Variants in TSPAN2 observed in about 807,000 individuals in gnomAD.
The protein encoded by TSPAN2 is tetraspanin-2.
Under a neutral mutation model 33.3 loss-of-function variants are expected in TSPAN2, and 24 were observed. The observed-to-expected ratio is 0.72, with a 90% confidence interval of 0.52 to 1.01. TSPAN2 has a LOEUF of 1.01. Ranked by LOEUF, TSPAN2 falls within the 50% of genes least tolerant of loss-of-function variation. The pLI is 0.00. For synonymous variants in TSPAN2, 114 were observed against 104.5 expected (o/e 1.09, Z -0.56); for missense variants, 278 against 281.3 (o/e 0.99, Z 0.08).
intron 1 of TSPAN2, among the ~76,000 whole-genome samples, chr1:115,083,291 A>G (rs1203307689): frequency 6.6e-6 from 1 of 152,234 alleles, no homozygotes; most frequent in Non-Finnish European, 1.5e-5. Context: ...ACCCAAAGAC[A>G]CTTCATGGCT....
chr1:115,086,576 C>T (rs1256820554), intron 1 of TSPAN2, among the ~76,000 whole-genome samples: 2 of 152,174 alleles, frequency 1.3e-5, no homozygotes, highest in Admixed American at 6.5e-5. Flanking sequence ...CGGATCTAAC[C>T]TCACTGGTTA....
intron 1 of TSPAN2, among the ~76,000 whole-genome samples, chr1:115,080,684 T>TA (rs1648592211): frequency 6.6e-6 from 1 of 152,204 alleles, no homozygotes; most frequent in South Asian, 2.1e-4. Context: ...TGTACAGAAC[T>TA]AAAATCTGGT....
At position 115,049,367 on chromosome 1, in the gene TSPAN2, C is replaced by T. The variant is rs1675248989; in HGVS notation, c.*1123G>A. The T allele has an allele frequency of 6.6e-6, 1 of 152,382 alleles. No individual in the cohort carries two copies. The highest frequency in any genetic ancestry group is 1.5e-5 in the Non-Finnish European group (1 of 67,982). The allele number at this position is 152,382 out of a possible 1,614,324, so 9.4% of individuals were successfully genotyped here. ...ATGCTTTTCTTTATTTTGGTTTGGCCAAAGATGCTAATGGTTAAATTATGA... is the reference window on the plus strand; with the variant it reads ...ATGCTTTTCTTTATTTTGGTTTGGCTAAAGATGCTAATGGTTAAATTATGA... On this transcript the variant is annotated 3_prime_UTR_variant, in exon 8 of 8. Coordinates refer to ENST00000369516, the MANE Select transcript of TSPAN2 (RefSeq NM_005725.6).
At chr1:115,060,869 C>T (rs1647690107) in intron 3 of TSPAN2, among the ~76,000 whole-genome samples, 1 of 152,142 alleles carries the variant, frequency 6.6e-6, no homozygotes, top group Non-Finnish European at 1.5e-5. Context: ...ACCTAGAACA[C>T]CACCTGGCAC....
At chr1:115,075,574 T>G (rs1408066159) in intron 1 of TSPAN2, among the ~76,000 whole-genome samples, 1 of 152,180 alleles carries the variant, frequency 6.6e-6, no homozygotes, top group Non-Finnish European at 1.5e-5. Context: ...AGAAATTGCT[T>G]GAAAAAAATT....
intron 6 of TSPAN2, among the ~76,000 whole-genome samples, chr1:115,057,051 C>T (rs903748123): frequency 6.6e-6 from 1 of 152,186 alleles, no homozygotes; most frequent in African/African-American, 2.4e-5. Flanking sequence ...TTAAGTTTCC[C>T]ATCAAGTGCT....
intron 1 of TSPAN2, among the ~76,000 whole-genome samples, chr1:115,077,985 C>T (rs888631491): frequency 1.3e-5 from 2 of 152,204 alleles, no homozygotes; most frequent in East Asian, 1.9e-4. Flanking sequence ...AAAAAGCCCC[C>T]TTTGGGGGTA....
intron 1 of TSPAN2, among the ~76,000 whole-genome samples, chr1:115,075,470 G>A (rs1018113689): frequency 1.3e-5 from 2 of 152,116 alleles, no homozygotes; most frequent in African/African-American, 4.8e-5. Context: ...AAGTGGCATC[G>A]GCACAGACCA....
chr1:115,052,451 A>G (rs977531282), intron 7 of TSPAN2, among the ~76,000 whole-genome samples: 11 of 152,076 alleles, frequency 7.2e-5, no homozygotes, highest in Non-Finnish European at 1.6e-4. Context: ...TCCAAATCCA[A>G]TCTTGCCTCC....
intron 7 of TSPAN2, 60 bp downstream of exon 7, chr1:115,053,319 A>C: frequency 6.9e-7 from 1 of 1,446,876 alleles, no homozygotes. Context: ...AAAAGAAATA[A>C]GATGCAAAGT....
intron 1 of TSPAN2, among the ~76,000 whole-genome samples, chr1:115,088,121 T>C (rs1648915923): frequency 6.6e-6 from 1 of 152,192 alleles, no homozygotes; most frequent in Non-Finnish European, 1.5e-5. Flanking sequence ...TGTGTCTCTT[T>C]AAAGTTCAGG....
At chr1:115,062,782 G>T (rs1647785873) in intron 2 of TSPAN2, among the ~76,000 whole-genome samples, 1 of 152,238 alleles carries the variant, frequency 6.6e-6, no homozygotes, top group South Asian at 2.1e-4. Context: ...TAGGGAGGGT[G>T]GGGGCTGGTG....
chr1:115,060,632 C>T, intron 3 of TSPAN2, 94 bp from the exon 4 acceptor site: 2 of 925,760 alleles, frequency 2.2e-6, no homozygotes, highest in South Asian at 3.1e-5. Context: ...GGCTGAATCG[C>T]TTTCATGTGG....
chr1:115,055,552 C>A (rs1647378636), intron 6 of TSPAN2, among the ~76,000 whole-genome samples: 1 of 151,462 alleles, frequency 6.6e-6, no homozygotes, highest in Non-Finnish European at 1.5e-5. Context: ...GAGACAGAGT[C>A]TCGCTCTCTC....
In TSPAN2 at chr1:115,052,469, C is replaced by A. The variant is rs187695458; in HGVS notation, c.600+910G>T. Among the ~76,000 whole-genome samples, 15 of 152,328 alleles carry A rather than the reference C, an allele frequency of 9.8e-5. No homozygotes were observed. The East Asian group carries it at 2.5e-3, about 25-fold the overall frequency. ...AAATCCAATCTTGCCTCCCTCCAAC[C>A]TTTCCTCTATCCTCTACCACAGGTT... On this transcript the variant is annotated intron_variant, in intron 7 of 7. Transcript: ENST00000369516.
intron 1 of TSPAN2, among the ~76,000 whole-genome samples, chr1:115,075,595 C>A (rs1648372914): frequency 6.6e-6 from 1 of 152,150 alleles, no homozygotes; most frequent in African/African-American, 2.4e-5. Context: ...CACACCAGTT[C>A]CAGTCCAGTC....
At chr1:115,063,980 CA>C (rs1647838324) in intron 2 of TSPAN2, among the ~76,000 whole-genome samples, 1 of 152,032 alleles carries the variant, frequency 6.6e-6, no homozygotes, top group African/African-American at 2.4e-5. Context: ...GTCATACCCC[CA>C]ATCTCGGCAT....
At chr1:115,080,761 C>T (rs1023202774) in intron 1 of TSPAN2, among the ~76,000 whole-genome samples, 6 of 152,140 alleles carry the variant, frequency 3.9e-5, no homozygotes, top group South Asian at 2.1e-4. Context: ...GGGATAAGCC[C>T]GGAGAGGAAA....
At position 115,089,281 on chromosome 1, in the gene TSPAN2, G is replaced by A. The variant is rs1418669959; in HGVS notation, c.69+83C>T. The A allele has an allele frequency of 7.9e-6, 10 of 1,268,650 alleles. 1 individual carries two copies. Among genetic ancestry groups the A allele is most frequent in the African/African-American group, 1.5e-5 (1 of 65,174 alleles). 78.6% of individuals were successfully genotyped at this position (1,268,650 alleles called of 1,614,324 possible). A position where few individuals can be genotyped will look rare whatever the true frequency, so the allele number is the denominator to read the frequency against. ...TCCCCACGAGCGCGACTCGGACGCC[G>A]CAGTCAGCAGCTCGGGGACCCCGGC... On this transcript the variant is annotated intron_variant, in intron 1 of 7. Transcript: ENST00000369516.
Sources: gnomAD v4.1 joint callset for allele counts (sites outside exome capture counted in the v4.1 genomes callset) on GRCh38, gnomAD v4.1.1 for gene constraint, MANE v1.5 for transcripts, NCBI Gene and HGNC (gene_info 2026-07-23, HGNC 2026-07-21) for gene names.